The following TTLL12 variants were observed in gnomAD, a reference collection of about 807,000 sequenced individuals.
TTLL12 encodes tubulin--tyrosine ligase-like protein 12.
TTLL12 carries 77 observed loss-of-function variants against 79.6 expected under a neutral mutation model. The observed-to-expected ratio is 0.97, with a 90% CI of 0.81 to 1.17. TTLL12 has a LOEUF of 1.17. Among genes scored for constraint, TTLL12 ranks in the 50% most tolerant of loss-of-function variants. The pLI is 0.00. For missense variants in TTLL12, 969 were observed against 895.9 expected, an observed-to-expected ratio of 1.08 and a Z score of -1.04; for synonymous variants, 437 against 376.1, an observed-to-expected ratio of 1.16 and a Z score of -1.87.
rs748190718 is a variant in TTLL12, at chr22:43,176,305, G to GT, written c.917+14_917+15insA. On this transcript the variant is annotated intron_variant, in intron 6 of 13. Transcript: ENST00000216129. ...GGACAAGTCCCAGCCCAAGCAGTGGGGGGGGGCTACGCACTTGAAGATGTG... is the reference window on the plus strand; with the variant it reads ...GGACAAGTCCCAGCCCAAGCAGTGGGTGGGGGGCTACGCACTTGAAGATGTG... 2.8e-5 allele frequency: 44 copies of GT among 1,572,564 alleles called. 1 individual carries two copies.
At position 43,187,094 on chromosome 22, in the gene TTLL12, A is replaced by T. The variant is rs1404273426; in HGVS notation, c.-25T>A. Reference sequence around the variant, plus strand: ...TGGCGCCAGCACCCGCGCCGACTCCAGCGCCGCCACCGCCGCCGCCGCCCG... The same window carrying T: ...TGGCGCCAGCACCCGCGCCGACTCCTGCGCCGCCACCGCCGCCGCCGCCCG... On this transcript the variant is annotated 5_prime_UTR_variant, in exon 1 of 14. Coordinates refer to ENST00000216129, the MANE Select transcript of TTLL12 (RefSeq NM_015140.4). 1 of 1,107,070 alleles carries T rather than the reference A, an allele frequency of 9.0e-7. No homozygotes were observed. The highest frequency in any genetic ancestry group is 5.4e-5 in the Admixed American group (1 of 18,636). The allele number at this position is 1,107,070 out of a possible 1,614,324, so 68.6% of individuals were successfully genotyped here.
Position 43,167,841 on chromosome 22 carries a change from G to C in TTLL12, c.*167C>G, listed in dbSNP as rs1931656931. 1.3e-6 allele frequency: 1 copy of C among 772,932 alleles called. No individual in the cohort carries two copies. The highest frequency in any genetic ancestry group is 1.8e-5 in the African/African-American group (1 of 57,116). The allele number at this position is 772,932 out of a possible 1,614,324, so 47.9% of individuals were successfully genotyped here. A position where few individuals can be genotyped will look rare whatever the true frequency, so the allele number is the denominator to read the frequency against. ...CCCACAGGTGAGAGGAGGATGCTGT[G>C]CTCCCGGAGTGTGGCGCCGGGAGGA... is the stretch of plus-strand genomic sequence containing the variant. On this transcript the variant is annotated 3_prime_UTR_variant, in exon 14 of 14. Transcript: ENST00000216129.
Position 43,173,785 on chromosome 22 carries a change from G to A in TTLL12, c.1271C>T (p.Ala424Val), listed in dbSNP as rs752963559. ...GGTGACGTGGGTGTCCAGGCTGCGC[G>A]CCAGGTTCCAGGGCTTGCAGATCCA... ...NHWICKPWNL[A>V]RSLDTHVTKS... The change falls in exon 9 of 14, where the codon GCG becomes GTG. Residue 424 changes from alanine to valine, a missense_variant. Coordinates refer to ENST00000216129, the MANE Select transcript of TTLL12 (RefSeq NM_015140.4). 29 of 1,604,762 alleles carry A rather than the reference G, an allele frequency of 1.8e-5. No homozygotes were observed. The highest frequency in any genetic ancestry group is 5.3e-5 in the African/African-American group (4 of 74,874).
chr22:43,184,133 T>C (rs1481396226), intron 1 of TTLL12, among the ~76,000 whole-genome samples: 1 of 152,236 alleles, frequency 6.6e-6, no homozygotes, highest in East Asian at 1.9e-4. Flanking sequence ...TTCAGGACAC[T>C]GATGGAATGA....
Position 43,187,111 on chromosome 22 carries a change from C to G in TTLL12, c.-42G>C, listed in dbSNP as rs1932207864. ...CCGACTCCAGCGCCGCCACCGCCGCCGCCGCCCGCCGTCCGTCGGCCCTGC... is the reference window on the plus strand; with the variant it reads ...CCGACTCCAGCGCCGCCACCGCCGCGGCCGCCCGCCGTCCGTCGGCCCTGC... On this transcript the variant is annotated 5_prime_UTR_variant, in exon 1 of 14. Transcript: ENST00000216129. 1 of 1,067,648 alleles carries G rather than the reference C, an allele frequency of 9.4e-7. No homozygotes were observed. Among genetic ancestry groups the G allele is most frequent in the Non-Finnish European group, 1.1e-6 (1 of 886,452 alleles). The allele number at this position is 1,067,648 out of a possible 1,614,324, so 66.1% of individuals were successfully genotyped here.
At position 43,171,960 on chromosome 22, in the gene TTLL12, G is replaced by A. The variant is rs1601767954; in HGVS notation, c.1494-60C>T. On this transcript the variant is annotated intron_variant, in intron 10 of 13. Transcript: ENST00000216129. ...TGAGCGGCCTTGTCCCTGCGAGGGA[G>A]GTGCCACCCACTCAGCCTTCCCAAC... is the stretch of plus-strand genomic sequence containing the variant. 5.5e-6 allele frequency: 8 copies of A among 1,449,990 alleles called. No individual in the cohort carries two copies. In the South Asian group the frequency reaches 9.5e-5, roughly 17 times the overall value. 89.8% of individuals were successfully genotyped at this position (1,449,990 alleles called of 1,614,324 possible). A position where few individuals can be genotyped will look rare whatever the true frequency, so the allele number is the denominator to read the frequency against.
At chr22:43,176,270 C>T (rs369303967) in intron 6 of TTLL12, 50 bp downstream of exon 6, 60 of 1,351,258 alleles carry the variant, frequency 4.4e-5, no homozygotes, top group Middle Eastern at 1.8e-4. Flanking sequence ...GCATGGGAGG[C>T]GGGGACTGCG....
Position 43,166,830 on chromosome 22 carries a change from CT to C in TTLL12, c.*1177del, listed in dbSNP as rs1460761884. The C allele has an allele frequency of 2.7e-5, 5 of 183,400 alleles. No individual in the cohort carries two copies. Among genetic ancestry groups the C allele is most frequent in the Non-Finnish European group, 4.6e-5 (4 of 86,532 alleles). 11.4% of individuals were successfully genotyped at this position (183,400 alleles called of 1,614,324 possible). On this transcript the variant is annotated 3_prime_UTR_variant, in exon 14 of 14. Transcript: ENST00000216129. ...GGAGAGGCAGCATCATCAGGTGCAG[CT>C]TTGCTACAAGAAAGATAGTTCTTAA...
At chr22:43,175,095 G>C (rs1931870115) in intron 6 of TTLL12, among the ~76,000 whole-genome samples, 1 of 152,170 alleles carries the variant, frequency 6.6e-6, no homozygotes, top group South Asian at 2.1e-4. Context: ...TGCCCAGCTG[G>C]GGCAGAGGCC....
intron 5 of TTLL12, among the ~76,000 whole-genome samples, chr22:43,178,651 C>T (rs1203252206): frequency 1.3e-5 from 2 of 152,148 alleles, no homozygotes; most frequent in Non-Finnish European, 2.9e-5. Flanking sequence ...TGGGTCAACT[C>T]GTCTAACCCT....
chr22:43,178,022 T>C (rs1352735928), intron 5 of TTLL12, among the ~76,000 whole-genome samples: 4 of 152,296 alleles, frequency 2.6e-5, no homozygotes, highest in East Asian at 1.9e-4. Context: ...ACACAAACTT[T>C]AGTTCATGTT....
chr22:43,180,061 C>T (rs34630477), intron 3 of TTLL12, 61 bp from the exon 4 acceptor site: 30,320 of 1,512,888 alleles, frequency 0.02, 370 homozygotes, highest in South Asian at 0.029. Context: ...AACTCCCTTC[C>T]GGAACCCAGA....
chr22:43,181,081 T>C (rs932332708), intron 2 of TTLL12, 141 bp from the exon 3 acceptor site: 3 of 976,706 alleles, frequency 3.1e-6, no homozygotes, highest in African/African-American at 3.3e-5. Context: ...TAGTTATGCC[T>C]AGTTTTGGAC....
intron 2 of TTLL12, 25 bp downstream of exon 2, chr22:43,182,955 G>A: frequency 1.2e-6 from 2 of 1,606,776 alleles, no homozygotes; most frequent in Non-Finnish European, 1.7e-6. Flanking sequence ...GAAGGTTGTG[G>A]TGGTGTCTCT....
Position 43,176,329 on chromosome 22 carries a change from T to C in TTLL12, c.908A>G (p.His303Arg). The change falls in exon 6 of 14, where the codon CAC becomes CGC. Residue 303 changes from histidine (H) to arginine (R), a missense_variant. By Grantham distance (29) the His-to-Arg change is conservative (BLOSUM62 0). Coordinates refer to ENST00000216129, the MANE Select transcript of TTLL12 (RefSeq NM_015140.4). ...GGGGGGGGCTACGCACTTGAAGATG[T>C]GGCCGTGGGGGTGCACCACGGGGTT... ...DINPVVHPHG[H>R]IFKVYTDVQQ... is the part of the protein sequence containing the mutation. 1 of 1,596,588 alleles carries C rather than the reference T, an allele frequency of 6.3e-7. No homozygotes were observed. Among genetic ancestry groups the C allele is most frequent in the Non-Finnish European group, 8.5e-7 (1 of 1,172,598 alleles).
chr22:43,187,123 T>C lies in TTLL12; in HGVS notation c.-54A>G, dbSNP rs1327474950. 1.3e-3 allele frequency: 1,176 copies of C among 931,500 alleles called. No individual in the cohort carries two copies. The highest frequency in any genetic ancestry group is 2.0e-3 in the Middle Eastern group (4 of 2,022). The allele number at this position is 931,500 out of a possible 1,614,324, so 57.7% of individuals were successfully genotyped here. The stretch of plus-strand genomic sequence containing the variant: ...CCGCCACCGCCGCCGCCGCCCGCCG[T>C]CCGTCGGCCCTGCCCTCCCGCCTCC... On this transcript the variant is annotated 5_prime_UTR_variant, in exon 1 of 14. Transcript: ENST00000216129.
Position 43,167,771 on chromosome 22 carries a change from G to A in TTLL12, c.*237C>T, listed in dbSNP as rs1479387722. The A allele has an allele frequency of 6.4e-6, 3 of 468,002 alleles. No individual in the cohort carries two copies. Among genetic ancestry groups the A allele is most frequent in the Admixed American group, 3.5e-5 (1 of 28,428 alleles). The allele number at this position is 468,002 out of a possible 1,614,324, so 29.0% of individuals were successfully genotyped here. The stretch of plus-strand genomic sequence containing the variant: ...GTGGTGAGGGGTGAGGGCAGGGCGT[G>A]GGGTGGTGCTCAGCCCTGGGGACAC... On this transcript the variant is annotated 3_prime_UTR_variant, in exon 14 of 14. Transcript: ENST00000216129.
rs201855582 is a variant in TTLL12 at position 43,169,518 on chromosome 22, A to C, written c.1626T>G (p.Phe542Leu). The C allele has an allele frequency of 1.1e-4, 180 of 1,605,856 alleles. No homozygotes were observed. The highest frequency in any genetic ancestry group is 3.3e-4 in the Middle Eastern group (2 of 6,050). ...IPEFEKQYPEFPWTDVQAEIF... is the reference protein window; with the variant it reads ...IPEFEKQYPELPWTDVQAEIF... ...GAATTACCTGGACGTCCGTCCAGGG[A>C]AATTCTGGGTATTGCTTCTCAAACT... Residue 542 changes from phenylalanine (F) to leucine (L), a missense_variant, in exon 12 of 14, where the codon TTT (phenylalanine) becomes TTG (leucine). Transcript: ENST00000216129.
chr22:43,177,378 T>A (rs75267625), intron 5 of TTLL12, among the ~76,000 whole-genome samples: 59,572 of 140,322 alleles, frequency 0.42, 12,626 homozygotes, highest in Non-Finnish European at 0.5. Flanking sequence ...TTTAAAAAAT[T>A]AAAAAAAAAA....
Sources: allele counts gnomAD v4.1 joint callset (sites outside exome capture counted in the v4.1 genomes callset), GRCh38; gene constraint gnomAD v4.1.1; transcripts MANE v1.5; gene names NCBI Gene and HGNC (gene_info 2026-07-23, HGNC 2026-07-21).